The following ABCG2 variants were observed in gnomAD, a reference collection of about 807,000 sequenced individuals.
ABCG2 encodes the protein broad substrate specificity ATP-binding cassette transporter ABCG2.
ABCG2 carries 80 observed loss-of-function variants against 73.5 expected under a neutral mutation model. That is an observed-to-expected ratio of 1.09 (90% confidence interval 0.91 to 1.31). The LOEUF is 1.31. ABCG2 is among the 50% of genes most tolerant of loss of function. The pLI, the probability that ABCG2 is intolerant of heterozygous loss-of-function variation, is 0.00. For missense variants in ABCG2, 796 were observed against 786.2 expected, an observed-to-expected ratio of 1.01 and a Z score of -0.15; for synonymous variants, 269 against 282.4, an observed-to-expected ratio of 0.95 and a Z score of 0.48.
chr4:88,159,057 A>T (rs1276497488), upstream of ABCG2: 3 of 445,020 alleles, frequency 6.7e-6, no homozygotes, highest in African/African-American at 6.1e-5. Flanking sequence ...CGCCAGCAGG[A>T]CTGGTACCAC....
chr4:88,163,697 A>G (rs1727403776), upstream of ABCG2: 2 of 364,782 alleles, frequency 5.5e-6, no homozygotes, highest in South Asian at 4.6e-5. Flanking sequence ...GGCTTCAAGA[A>G]GTGTGTCCCT....
intron 1 of ABCG2, among the ~76,000 whole-genome samples, chr4:88,208,297 T>C (rs1729456597): frequency 6.6e-6 from 1 of 152,194 alleles, no homozygotes; most frequent in African/African-American, 2.4e-5. Flanking sequence ...CAAGGATACA[T>C]AGCTGGATGA....
rs767454866 is a variant in ABCG2, at chr4:88,131,118, G to GT, written c.473dup (p.Asn158LysfsTer5). The GT allele has an allele frequency of 8.7e-6, 14 of 1,613,688 alleles. No homozygotes were observed. The highest frequency in any genetic ancestry group is 5.0e-5 in the Admixed American group (3 of 59,964). ...CTTGAATGACCCTGTTAATCCGTTC[G>GT]TTTTTTTCATGATTCGTCATAGTTG... On this transcript the variant is annotated frameshift_variant, in exon 5 of 16. Coordinates refer to ENST00000237612, the MANE Select transcript of ABCG2 (RefSeq NM_004827.3). LOFTEE classifies it high-confidence loss of function.
At chr4:88,191,253 C>A in intron 1 of ABCG2, among the ~76,000 whole-genome samples, 1 of 140,352 alleles carries the variant, frequency 7.1e-6, no homozygotes. Flanking sequence ...GCCTGGGCGA[C>A]AGAGTGAGAC....
chr4:88,128,573 A>G (rs944143718), intron 5 of ABCG2, among the ~76,000 whole-genome samples: 20 of 152,226 alleles, frequency 1.3e-4, no homozygotes, highest in Non-Finnish European at 2.8e-4. Context: ...TATATACACC[A>G]TGGAATACTA....
Position 88,115,535 on chromosome 4 carries a change from C to T in ABCG2, c.842-477G>A, listed in dbSNP as rs149805951. ...CTGGCCTCAAGTGATCCACCCGCCT[C>T]GGCCTCCCAAAGTGCTGGGATTACA... On this transcript the variant is annotated intron_variant, in intron 7 of 15. Transcript: ENST00000237612. Among the ~76,000 whole-genome samples, 122 of 149,838 alleles carry T rather than the reference C, an allele frequency of 8.1e-4. 1 individual carries two copies. The East Asian group carries it at 0.02, about 25-fold the overall frequency.
rs1379825525 is a variant in ABCG2, at chr4:88,172,289, C to T, written c.-19-32275G>A. 1.3e-4 allele frequency among the ~76,000 whole-genome samples: 14 copies of T among 106,716 alleles called. 1 individual carries two copies. Among genetic ancestry groups the T allele is most frequent in the Admixed American group, 1.0e-3 (11 of 10,658 alleles). 70.0% of individuals were successfully genotyped at this position (106,716 alleles called of 152,430 possible). On this transcript the variant is annotated intron_variant, in intron 1 of 15. Transcript: ENST00000515655. ...AGCCTGGGCAACAAGAGCAAAGCTC[C>T]GTCACAAAAAAAAAAAAAATTGCTG... is the stretch of plus-strand genomic sequence containing the variant.
chr4:88,095,459 C>T lies in ABCG2; in HGVS notation c.1737+61G>A, dbSNP rs532811012. ...TGGTCAGGGAAATGAGATGAGGACA[C>T]TTGATTTCCATTGTTCCTAGCTTGG... On this transcript the variant is annotated intron_variant, in intron 14 of 15. Coordinates refer to ENST00000237612, the MANE Select transcript of ABCG2 (RefSeq NM_004827.3). 6.4e-5 allele frequency: 93 copies of T among 1,461,588 alleles called. 1 individual carries two copies. In the African/African-American group the frequency reaches 1.2e-3, roughly 18 times the overall value. 90.5% of individuals were successfully genotyped at this position (1,461,588 alleles called of 1,614,324 possible).
intron 1 of ABCG2, among the ~76,000 whole-genome samples, chr4:88,214,424 C>T (rs1729728342): frequency 6.6e-6 from 1 of 152,144 alleles, no homozygotes; most frequent in Non-Finnish European, 1.5e-5. Flanking sequence ...CAAATCCACT[C>T]CAATCAGAAC....
In ABCG2 at chr4:88,110,202, T is replaced by C. The variant is rs544242718; in HGVS notation, c.1195-2936A>G. 3.4e-4 allele frequency among the ~76,000 whole-genome samples: 52 copies of C among 152,306 alleles called. No individual in the cohort carries two copies. In the South Asian group the frequency reaches 4.1e-3, roughly 12 times the overall value. On this transcript the variant is annotated intron_variant, in intron 9 of 15. Coordinates refer to ENST00000237612, the MANE Select transcript of ABCG2 (RefSeq NM_004827.3). ...TATAAAATTCAAATTTCAGTGCCAA[T>C]GTATAATGTTTCATTGGAATAAAAT... is the stretch of plus-strand genomic sequence containing the variant.
At chr4:88,186,435 C>A (rs1253105937) in intron 1 of ABCG2, among the ~76,000 whole-genome samples, 1 of 152,132 alleles carries the variant, frequency 6.6e-6, no homozygotes, top group African/African-American at 2.4e-5. Context: ...CTGTCTGACA[C>A]CAGCCTGGGC....
chr4:88,102,727 CAGTA>C (rs1255876204), intron 10 of ABCG2, among the ~76,000 whole-genome samples: 13 of 151,860 alleles, frequency 8.6e-5, no homozygotes, highest in African/African-American at 3.1e-4. Context: ...ATATAATTGA[CAGTA>C]AGGGTGTGAG....
At chr4:88,155,218 G>A (rs1247222267) in intron 1 of ABCG2, among the ~76,000 whole-genome samples, 3 of 152,286 alleles carry the variant, frequency 2.0e-5, no homozygotes, top group South Asian at 4.2e-4. Context: ...ATCCAAAGTC[G>A]AAAGTATCCA....
chr4:88,194,774 C>G (rs1394603218), intron 1 of ABCG2, among the ~76,000 whole-genome samples: 2 of 152,048 alleles, frequency 1.3e-5, no homozygotes, highest in African/African-American at 4.8e-5. Context: ...CGCTTGGCAT[C>G]TTGAAAAGAT....
intron 1 of ABCG2, among the ~76,000 whole-genome samples, chr4:88,148,057 G>A (rs1221706063): frequency 6.6e-6 from 1 of 152,146 alleles, no homozygotes; most frequent in East Asian, 1.9e-4. Flanking sequence ...CTGCGAGGTG[G>A]GAGGGTTTAG....
chr4:88,219,755 T>TC (rs1445991184), intron 1 of ABCG2, among the ~76,000 whole-genome samples: 1 of 150,550 alleles, frequency 6.6e-6, no homozygotes, highest in Non-Finnish European at 1.5e-5. Flanking sequence ...CTATTTTTTT[T>TC]TTTTTTTGTA....
intron 13 of ABCG2, among the ~76,000 whole-genome samples, chr4:88,096,318 T>C (rs1001645766): frequency 2.0e-5 from 3 of 152,250 alleles, no homozygotes; most frequent in African/African-American, 4.8e-5. Context: ...ACAATGATGA[T>C]GTTGCTGGTA....
intron 11 of ABCG2, 46 bp downstream of exon 11, chr4:88,101,184 C>T: frequency 6.5e-7 from 1 of 1,545,670 alleles, no homozygotes; most frequent in African/African-American, 1.4e-5. Context: ...TAACCAATAG[C>T]CCCTGCTGCT....
upstream of ABCG2, among the ~76,000 whole-genome samples, chr4:88,162,719 G>C (rs1727365300): frequency 1.3e-5 from 2 of 152,134 alleles, no homozygotes; most frequent in South Asian, 4.2e-4. Flanking sequence ...TAGAGAAAAA[G>C]GACCTTCCTC....
Sources: gnomAD v4.1 joint callset for allele counts (sites outside exome capture counted in the v4.1 genomes callset) on GRCh38, gnomAD v4.1.1 for gene constraint, MANE v1.5 for transcripts, NCBI Gene and HGNC (gene_info 2026-07-23, HGNC 2026-07-21) for gene names.